Variants in PTPRD observed in about 807,000 individuals in gnomAD.
The protein encoded by PTPRD is receptor-type tyrosine-protein phosphatase delta.
A neutral mutation model predicts 214.5 loss-of-function variants in PTPRD; 34 were observed. That is an observed-to-expected ratio of 0.16 (90% CI 0.12 to 0.21). The LOEUF (loss-of-function observed/expected upper bound fraction) is 0.21, where lower values mean the gene tolerates loss of function less well. Among genes scored for constraint, PTPRD ranks in the 10% least tolerant of loss-of-function variants. PTPRD has a pLI of 1.00. For missense variants in PTPRD, 2,545 were observed against 2,398.7 expected, an observed-to-expected ratio of 1.06 and a Z score of -1.27; for synonymous variants, 1,128 against 845.7, an observed-to-expected ratio of 1.33 and a Z score of -5.79.
At chr9:8,501,168 G>T in intron 23 of PTPRD, 109 bp from the exon 24 acceptor site, 1 of 792,538 alleles carries the variant, frequency 1.3e-6, no homozygotes, top group Non-Finnish European at 2.0e-6. Context: ...CGAACAATAA[G>T]GACAAAATGA....
chr9:8,454,014 G>A (rs548244503), intron 33 of PTPRD, among the ~76,000 whole-genome samples: 2 of 152,184 alleles, frequency 1.3e-5, no homozygotes, highest in East Asian at 3.9e-4. Flanking sequence ...AAAGCTAGAG[G>A]GTTAGTTTGG....
At chr9:8,827,847 G>A (rs910045562) in intron 11 of PTPRD, among the ~76,000 whole-genome samples, 2 of 152,076 alleles carry the variant, frequency 1.3e-5, no homozygotes, top group African/African-American at 4.8e-5. Flanking sequence ...AACTTGAATA[G>A]GACCTATTGA....
intron 9 of PTPRD, among the ~76,000 whole-genome samples, chr9:9,358,803 C>T (rs1411735229): frequency 1.3e-5 from 2 of 151,256 alleles, no homozygotes; most frequent in Admixed American, 6.6e-5. Flanking sequence ...CAATCATTAA[C>T]GTCATTAAGC....
rs188140677 is a variant in PTPRD, at chr9:10,183,205, C to T, written c.-544-149415G>A. ...TTTAAAGAAACAATACACATTTTAT[C>T]ATCCATGAATGGAGAGGAGATATAC... On this transcript the variant is annotated intron_variant, in intron 3 of 45. Coordinates refer to ENST00000381196, the MANE Select transcript of PTPRD (RefSeq NM_002839.4). Among the ~76,000 whole-genome samples, 8 of 152,114 alleles carry T rather than the reference C, an allele frequency of 5.3e-5. No individual in the cohort carries two copies. In the East Asian group the frequency reaches 1.5e-3, roughly 29 times the overall value.
chr9:10,323,999 C>T (rs975552742), intron 3 of PTPRD, among the ~76,000 whole-genome samples: 4 of 151,964 alleles, frequency 2.6e-5, no homozygotes. Context: ...TGGATAATTG[C>T]CTTCCATTGA....
intron 2 of PTPRD, among the ~76,000 whole-genome samples, chr9:10,478,468 C>A (rs1410826385): frequency 6.6e-6 from 1 of 152,026 alleles, no homozygotes; most frequent in African/African-American, 2.4e-5. Flanking sequence ...TTCATATCAC[C>A]CCTTTAATTA....
chr9:9,145,400 G>A (rs777195273), intron 10 of PTPRD, among the ~76,000 whole-genome samples: 1 of 152,040 alleles, frequency 6.6e-6, no homozygotes, highest in African/African-American at 2.4e-5. Context: ...AAAGTATATT[G>A]TATATCTTTA....
intron 7 of PTPRD, among the ~76,000 whole-genome samples, chr9:9,651,159 T>C (rs1451585788): frequency 6.6e-6 from 1 of 152,176 alleles, no homozygotes; most frequent in Non-Finnish European, 1.5e-5. Context: ...TTGTGTAAAA[T>C]ACATTTTATC....
At chr9:9,656,155 A>C (rs2096507490) in intron 7 of PTPRD, among the ~76,000 whole-genome samples, 1 of 152,238 alleles carries the variant, frequency 6.6e-6, no homozygotes, top group Non-Finnish European at 1.5e-5. Flanking sequence ...AACAGAAATT[A>C]TCATTTATTT....
At position 10,281,825 on chromosome 9, in the gene PTPRD, T is replaced by C. The variant is rs146724547; in HGVS notation, c.-545+59138A>G. Among the ~76,000 whole-genome samples, 129 of 152,310 alleles carry C rather than the reference T, an allele frequency of 8.5e-4. 2 individuals carry two copies. The East Asian group carries it at 0.022, about 26-fold the overall frequency. On this transcript the variant is annotated intron_variant, in intron 3 of 45. Coordinates refer to ENST00000381196, the MANE Select transcript of PTPRD (RefSeq NM_002839.4). ...TTTTAAAAATGACTCGAAAGGTTTTTTAAGTGAACATCTTGAAATTTTCTA... is the reference window on the plus strand; with the variant it reads ...TTTTAAAAATGACTCGAAAGGTTTTCTAAGTGAACATCTTGAAATTTTCTA...
chr9:9,129,174 G>A (rs1038190030), intron 10 of PTPRD, among the ~76,000 whole-genome samples: 1 of 152,162 alleles, frequency 6.6e-6, no homozygotes, highest in Admixed American at 6.5e-5. Flanking sequence ...TTGATCACCT[G>A]AGGTCAGGAG....
At chr9:9,860,565 G>C (rs978788608) in intron 5 of PTPRD, among the ~76,000 whole-genome samples, 4 of 152,184 alleles carry the variant, frequency 2.6e-5, no homozygotes, top group Non-Finnish European at 5.9e-5. Flanking sequence ...TACTACATTT[G>C]ATTGCCTTAT....
At chr9:9,977,748 G>A (rs920329275) in intron 4 of PTPRD, among the ~76,000 whole-genome samples, 28 of 152,006 alleles carry the variant, frequency 1.8e-4, no homozygotes, top group African/African-American at 6.5e-4. Context: ...GTTATTTAAA[G>A]AGAAAAGTAA....
At chr9:8,609,334 G>C (rs2095357237) in intron 14 of PTPRD, among the ~76,000 whole-genome samples, 2 of 152,202 alleles carry the variant, frequency 1.3e-5, no homozygotes, top group Non-Finnish European at 2.9e-5. Context: ...GCATAGGAAG[G>C]ATATGGGATG....
intron 11 of PTPRD, among the ~76,000 whole-genome samples, chr9:8,918,381 T>C (rs891385851): frequency 6.6e-6 from 1 of 152,206 alleles, no homozygotes; most frequent in Non-Finnish European, 1.5e-5. Context: ...GCCTTACCTT[T>C]GGAACTTTTT....
intron 11 of PTPRD, among the ~76,000 whole-genome samples, chr9:8,899,444 A>C (rs1465236405): frequency 6.6e-6 from 1 of 152,192 alleles, no homozygotes. Context: ...AGAGATCGGC[A>C]TATCTCCCAG....
At chr9:10,360,967 T>G (rs1450130738) in intron 2 of PTPRD, among the ~76,000 whole-genome samples, 1 of 151,674 alleles carries the variant, frequency 6.6e-6, no homozygotes, top group Non-Finnish European at 1.5e-5. Context: ...CCGGGCGTGG[T>G]GCCGGGCGCC....
intron 8 of PTPRD, among the ~76,000 whole-genome samples, chr9:9,444,042 A>G (rs534128903): frequency 2.5e-4 from 38 of 152,192 alleles, no homozygotes; most frequent in Non-Finnish European, 4.6e-4. Flanking sequence ...TCAAGAAAAA[A>G]CAGGATTGGA....
At chr9:9,074,055 G>T (rs895528931) in intron 10 of PTPRD, among the ~76,000 whole-genome samples, 1 of 152,016 alleles carries the variant, frequency 6.6e-6, no homozygotes, top group African/African-American at 2.4e-5. Flanking sequence ...TCATTAAATA[G>T]AAGCTGTTTT....
Sources: allele counts gnomAD v4.1 joint callset (sites outside exome capture counted in the v4.1 genomes callset), GRCh38; gene constraint gnomAD v4.1.1; transcripts MANE v1.5; gene names NCBI Gene and HGNC (gene_info 2026-07-23, HGNC 2026-07-21).